Variants in CTCF observed in about 807,000 individuals in gnomAD.
CTCF encodes the protein CCCTC-binding factor, also known as transcriptional repressor CTCF.
A neutral mutation model predicts 72.3 loss-of-function variants in CTCF; 7 were observed. The ratio of observed to expected loss-of-function variants is 0.10; its 90% confidence interval spans 0.06 to 0.18. CTCF has a LOEUF of 0.18. Ranked by LOEUF, CTCF falls within the 10% of genes least tolerant of loss-of-function variation. The pLI is 1.00. For missense variants in CTCF, 516 were observed against 949.1 expected (o/e 0.54, Z 6.00); for synonymous variants, 374 against 315.8 (o/e 1.18, Z -1.95).
Position 67,637,911 on chromosome 16 carries a change from G to A in CTCF, c.*39G>A. ...TGCGTCGCCAGGACTTCTCTGGGCTGTGTTTAAACGGCCCGCATCTTAATT... is the reference window on the plus strand; with the variant it reads ...TGCGTCGCCAGGACTTCTCTGGGCTATGTTTAAACGGCCCGCATCTTAATT... On this transcript the variant is annotated 3_prime_UTR_variant, in exon 12 of 12. Transcript: ENST00000264010. 1.4e-6 allele frequency: 2 copies of A among 1,465,136 alleles called. No individual in the cohort carries two copies. The highest frequency in any genetic ancestry group is 1.8e-6 in the Non-Finnish European group (2 of 1,093,552). 90.8% of individuals were successfully genotyped at this position (1,465,136 alleles called of 1,614,324 possible).
intron 2 of CTCF, among the ~76,000 whole-genome samples, chr16:67,609,840 G>A: frequency 6.6e-6 from 1 of 151,942 alleles, no homozygotes. Flanking sequence ...TAGCCAGGAT[G>A]GTCTCGATCT....
intron 7 of CTCF, among the ~76,000 whole-genome samples, chr16:67,622,609 G>A (rs1222494056): frequency 6.7e-6 from 1 of 150,316 alleles, no homozygotes; most frequent in African/African-American, 2.4e-5. Context: ...ACAGTGTTTG[G>A]TGCTTATATA....
intron 2 of CTCF, among the ~76,000 whole-genome samples, chr16:67,599,436 TC>T (rs34775567): frequency 1.3e-5 from 2 of 151,972 alleles, no homozygotes; most frequent in African/African-American, 4.8e-5. Flanking sequence ...GAAGAACTGA[TC>T]CATGCCCCCT....
chr16:67,565,064 C>T (rs111926533), intron 1 of CTCF, among the ~76,000 whole-genome samples: 6,327 of 151,212 alleles, frequency 0.042, 139 homozygotes, highest in Non-Finnish European at 0.055. Context: ...GGCAGTGGTG[C>T]GATCTCGGCT....
At chr16:67,632,544 G>C (rs2052379477) in intron 10 of CTCF, among the ~76,000 whole-genome samples, 1 of 152,224 alleles carries the variant, frequency 6.6e-6, no homozygotes, top group African/African-American at 2.4e-5. Flanking sequence ...CCTGTCGGCT[G>C]TCTACAGAGA....
At position 67,580,056 on chromosome 16, in the gene CTCF, C is replaced by T. The variant is rs148759278; in HGVS notation, c.-10+8792C>T. The stretch of plus-strand genomic sequence containing the variant: ...GATTTACATTTTAGAAATCCGTGGC[C>T]GCTGTGTGAAAAATGGTGGGTAATG... On this transcript the variant is annotated intron_variant, in intron 2 of 11. Coordinates refer to ENST00000264010, the MANE Select transcript of CTCF (RefSeq NM_006565.4). Among the ~76,000 whole-genome samples, 1,098 of 152,084 alleles carry T rather than the reference C, an allele frequency of 7.2e-3. 19 individuals are homozygous for T. Among genetic ancestry groups the T allele is most frequent in the African/African-American group, 0.025 (1,055 of 41,458 alleles).
intron 2 of CTCF, among the ~76,000 whole-genome samples, chr16:67,603,981 ATT>A (rs2051934421): frequency 2.0e-5 from 3 of 150,454 alleles, no homozygotes; most frequent in Admixed American, 2.0e-4. Flanking sequence ...ATACAAAAAA[ATT>A]AGCCTGGTGC....
In CTCF at chr16:67,629,523, C is replaced by A. The variant is rs1375846646; in HGVS notation, c.1827C>A (p.Ser609=). 1 of 1,612,752 alleles carries A rather than the reference C, an allele frequency of 6.2e-7. No individual in the cohort carries two copies. The highest frequency in any genetic ancestry group is 8.5e-7 in the Non-Finnish European group (1 of 1,179,658). Residue 609 remains serine (S), a synonymous_variant, in exon 10 of 12, where the codon TCC becomes TCA. Coordinates refer to ENST00000264010, the MANE Select transcript of CTCF (RefSeq NM_006565.4). ...KRKMRSKKED[S]SDSENAEPDL... ...AGATGCGCTCTAAGAAAGAAGATTCCTCTGACAGTGGTAAGTGACTTGTTC... is the reference window on the plus strand; with the variant it reads ...AGATGCGCTCTAAGAAAGAAGATTCATCTGACAGTGGTAAGTGACTTGTTC...
intron 2 of CTCF, among the ~76,000 whole-genome samples, chr16:67,573,319 C>T (rs140643853): frequency 0.037 from 5,625 of 151,708 alleles, 346 homozygotes; most frequent in African/African-American, 0.13. Flanking sequence ...ATCCCAACTA[C>T]TCGGGAGGCT....
intron 1 of CTCF, chr16:67,563,359 G>GCCGCCGCTGGTCTCCGTCT (rs2051303775): frequency 6.6e-6 from 1 of 152,200 alleles, no homozygotes; most frequent in South Asian, 2.1e-4. Context: ...TCCGCGCGTC[G>GCCGCCGCTGGTCTCCGTCT]CCGCCGCTGG....
intron 7 of CTCF, 100 bp from the exon 8 acceptor site, chr16:67,626,452 CAAA>C (rs373304235): frequency 0.018 from 6,805 of 371,830 alleles, no homozygotes; most frequent in South Asian, 0.025. Flanking sequence ...GACTCCGTCT[CAAA>C]AAAAAAAAAA....
At chr16:67,608,148 C>A (rs1597710616) in intron 2 of CTCF, among the ~76,000 whole-genome samples, 1 of 151,536 alleles carries the variant, frequency 6.6e-6, no homozygotes, top group African/African-American at 2.4e-5. Flanking sequence ...CATGGTGAAA[C>A]CCCGTCTCTA....
chr16:67,562,692 C>CGG lies in CTCF; in HGVS notation c.-158_-157dup, dbSNP rs1299302585. 1 of 151,396 alleles carries CGG rather than the reference C, an allele frequency of 6.6e-6. No individual in the cohort carries two copies. The highest frequency in any genetic ancestry group is 2.4e-5 in the African/African-American group (1 of 41,174). 9.4% of individuals were successfully genotyped at this position (151,396 alleles called of 1,614,324 possible). A position where few individuals can be genotyped will look rare whatever the true frequency, so the allele number is the denominator to read the frequency against. On this transcript the variant is annotated 5_prime_UTR_variant, in exon 1 of 12. Transcript: ENST00000264010. ...GGTGGCCGGAGCCGTGGAGCGGCGG[C>CGG]GGAGCGGGCGCCGCGGGGGGTGTGG... is the stretch of plus-strand genomic sequence containing the variant.
chr16:67,631,440 C>A (rs978436043), intron 10 of CTCF, among the ~76,000 whole-genome samples: 3 of 151,932 alleles, frequency 2.0e-5, no homozygotes, highest in Non-Finnish European at 4.4e-5. Context: ...GCTGGGATTA[C>A]AGATGTGAGC....
Position 67,611,184 on chromosome 16 carries a change from G to A in CTCF, c.352G>A (p.Val118Ile), listed in dbSNP as rs1567608551. The A allele has an allele frequency of 1.2e-6, 2 of 1,614,092 alleles. No individual in the cohort carries two copies. Among genetic ancestry groups the A allele is most frequent in the Admixed American group, 1.7e-5 (1 of 59,994 alleles). ...INIGELQLVQ[V>I]PVPVTVPVAT... ...CATAGGAGAACTTCAGCTTGTTCAA[G>A]TACCTGTTCCTGTGACTGTACCTGT... The change falls in exon 3 of 12, where the codon GTA (valine) becomes ATA (isoleucine). Residue 118 changes from valine (V) to isoleucine (I), a missense_variant. Around this residue, in one of 7 missense-constraint regions of CTCF, gnomAD observed 148 missense variants for 194.9 expected, o/e 0.76. Transcript: ENST00000264010.
chr16:67,589,082 A>C (rs1159464204), intron 2 of CTCF, among the ~76,000 whole-genome samples: 1 of 152,116 alleles, frequency 6.6e-6, no homozygotes, highest in East Asian at 1.9e-4. Flanking sequence ...GTTTGAAGCC[A>C]GAAGCTCAAG....
chr16:67,605,167 G>A (rs936434446), intron 2 of CTCF, among the ~76,000 whole-genome samples: 1 of 151,582 alleles, frequency 6.6e-6, no homozygotes, highest in Non-Finnish European at 1.5e-5. Context: ...TAGAGATGGT[G>A]TTTCACCGTG....
At chr16:67,621,154 A>G (rs762859778) in intron 6 of CTCF, 13 of 365,216 alleles carry the variant, frequency 3.6e-5, no homozygotes, top group African/African-American at 8.2e-5. Flanking sequence ...GTCTTTTCCT[A>G]AAAAGAAAAA....
chr16:67,602,882 G>A (rs967806312), intron 2 of CTCF, among the ~76,000 whole-genome samples: 46 of 151,562 alleles, frequency 3.0e-4, no homozygotes, highest in Non-Finnish European at 5.0e-4. Context: ...TCTTAATGGG[G>A]AAACAGTAAT....
Sources: allele counts gnomAD v4.1 joint callset (sites outside exome capture counted in the v4.1 genomes callset), GRCh38; gene constraint gnomAD v4.1.1; regional missense constraint gnomAD v4.1.1; transcripts MANE v1.5; gene names NCBI Gene and HGNC (gene_info 2026-07-23, HGNC 2026-07-21).